PRKAG2: variants seen among roughly 807,000 people sequenced by gnomAD.
PRKAG2 encodes the protein protein kinase AMP-activated non-catalytic subunit gamma 2, also known as 5'-AMP-activated protein kinase subunit gamma-2.
PRKAG2 carries 26 observed loss-of-function variants against 69.6 expected under a neutral mutation model. The ratio of observed to expected loss-of-function variants is 0.37; its 90% CI spans 0.27 to 0.52. The LOEUF (loss-of-function observed/expected upper bound fraction) is 0.52. PRKAG2 is among the 20% of genes least tolerant of loss of function. The probability of loss-of-function intolerance (pLI) is 0.90; values close to 1 mark genes in which losing one functional copy is unlikely to be tolerated. For synonymous variants in PRKAG2, 293 were observed against 285.0 expected (o/e 1.03, Z -0.28); for missense variants, 557 against 740.0 (o/e 0.75, Z 2.87).
At chr7:151,562,748 A>C (rs1161657664) in intron 14 of PRKAG2, among the ~76,000 whole-genome samples, 3 of 152,092 alleles carry the variant, frequency 2.0e-5, no homozygotes, top group Non-Finnish European at 4.4e-5. Context: ...CGGGCAGATC[A>C]CGAGGTCAGG....
chr7:151,644,362 A>G (rs574888407), intron 4 of PRKAG2, among the ~76,000 whole-genome samples: 6 of 152,214 alleles, frequency 3.9e-5, no homozygotes, highest in Non-Finnish European at 7.3e-5. Context: ...CCCTTCTTCA[A>G]GGCAACCACT....
intron 3 of PRKAG2, among the ~76,000 whole-genome samples, chr7:151,767,634 T>C (rs2075807143): frequency 1.3e-5 from 2 of 152,226 alleles, no homozygotes; most frequent in Non-Finnish European, 2.9e-5. Context: ...GCTGTTATAG[T>C]GGCCCTACCA....
At chr7:151,642,028 TAAAAA>T (rs759629976) in intron 4 of PRKAG2, among the ~76,000 whole-genome samples, 1 of 95,022 alleles carries the variant, frequency 1.1e-5, no homozygotes, top group East Asian at 3.0e-4. Context: ...ACCCCATCTT[TAAAAA>T]AAAAAAAAAA....
Position 151,858,284 on chromosome 7 carries a change from C to A in PRKAG2, c.114+18223G>T, listed in dbSNP as rs555246520. 5.3e-5 allele frequency among the ~76,000 whole-genome samples: 8 copies of A among 152,348 alleles called. No individual in the cohort carries two copies. In the South Asian group the frequency reaches 1.0e-3, roughly 20 times the overall value. On this transcript the variant is annotated intron_variant, in intron 1 of 15. Coordinates refer to ENST00000287878, the MANE Select transcript of PRKAG2 (RefSeq NM_016203.4). ...CTCTCCTCCCCAGTACTCAGCAGCA[C>A]CCTGCCAGCCTCGGCCACAGCTGTC...
At chr7:151,560,844 T>C (rs1804787849) in intron 14 of PRKAG2, among the ~76,000 whole-genome samples, 1 of 152,012 alleles carries the variant, frequency 6.6e-6, no homozygotes, top group South Asian at 2.1e-4. Flanking sequence ...GCCTGGGAAG[T>C]GGAGGTTGCA....
At chr7:151,866,115 A>C (rs1407957778) in intron 1 of PRKAG2, among the ~76,000 whole-genome samples, 1 of 152,200 alleles carries the variant, frequency 6.6e-6, no homozygotes, top group African/African-American at 2.4e-5. Context: ...AATGACCTTC[A>C]TCTAGAAAGG....
intron 1 of PRKAG2, among the ~76,000 whole-genome samples, chr7:151,815,940 C>T (rs1244393241): frequency 1.3e-5 from 2 of 152,176 alleles, no homozygotes; most frequent in Non-Finnish European, 2.9e-5. Context: ...TTCCACGAGC[C>T]TGTGACTCAA....
intron 4 of PRKAG2, among the ~76,000 whole-genome samples, chr7:151,648,554 G>T (rs1034832599): frequency 1.8e-4 from 28 of 152,130 alleles, no homozygotes; most frequent in African/African-American, 6.5e-4. Context: ...TTAACAAGCA[G>T]CCCTAGTAGC....
At chr7:151,738,412 A>C (rs1215784741) in intron 3 of PRKAG2, among the ~76,000 whole-genome samples, 1 of 152,262 alleles carries the variant, frequency 6.6e-6, no homozygotes, top group African/African-American at 2.4e-5. Context: ...AGCCCCCCAA[A>C]ATCTGGCCAT....
chr7:151,560,088 G>A (rs1434052101), intron 15 of PRKAG2: 1 of 984,502 alleles, frequency 1.0e-6, no homozygotes, highest in African/African-American at 1.7e-5. Context: ...ATAAAAGTTT[G>A]TGTTTAGGTA....
At chr7:151,596,456 G>C (rs1814549379) in intron 5 of PRKAG2, among the ~76,000 whole-genome samples, 1 of 152,122 alleles carries the variant, frequency 6.6e-6, no homozygotes, top group African/African-American at 2.4e-5. Flanking sequence ...ACTGATGAAA[G>C]AATTGAAGCA....
chr7:151,835,105 C>T lies in PRKAG2; in HGVS notation c.114+41402G>A, dbSNP rs1190986066. 5.3e-5 allele frequency among the ~76,000 whole-genome samples: 8 copies of T among 152,294 alleles called. No homozygotes were observed. The South Asian group carries it at 6.2e-4, about 12-fold the overall frequency. ...TCATCAAAACTCATCACATCGGAAA[C>T]GACCCTGTTTCCAAAAGAGGTCACA... On this transcript the variant is annotated intron_variant, in intron 1 of 15. Transcript: ENST00000287878. The surrounding 1 kb of genome is among the most constrained non-coding windows in gnomAD (Gnocchi z 4.1).
intron 4 of PRKAG2, among the ~76,000 whole-genome samples, chr7:151,642,305 T>G (rs1006431270): frequency 6.6e-6 from 1 of 152,162 alleles, no homozygotes; most frequent in Non-Finnish European, 1.5e-5. Flanking sequence ...ATCGCGCCAC[T>G]GCACTCCAGC....
At position 151,756,082 on chromosome 7, in the gene PRKAG2, G is replaced by A. The variant is rs188292827; in HGVS notation, c.466+25070C>T. Among the ~76,000 whole-genome samples, 4 of 152,014 alleles carry A rather than the reference G, an allele frequency of 2.6e-5. No individual in the cohort carries two copies. Among genetic ancestry groups the A allele is most frequent in the African/African-American group, 7.3e-5 (3 of 41,366 alleles). On this transcript the variant is annotated intron_variant, in intron 3 of 15. Transcript: ENST00000287878. This position sits in a 1 kb window ranked among gnomAD's most constrained non-coding sequence, Gnocchi z 4.9. ...CCCATTGGTCTCCTCCTCTTCTCAG[G>A]CCTCTCCCCCTGGACCACCAGTGAT...
At chr7:151,594,146 T>G (rs1395928737) in intron 6 of PRKAG2, among the ~76,000 whole-genome samples, 1 of 152,192 alleles carries the variant, frequency 6.6e-6, no homozygotes, top group Non-Finnish European at 1.5e-5. Context: ...ACCTTTCAGC[T>G]GGTGCTCCCG....
intron 1 of PRKAG2, among the ~76,000 whole-genome samples, chr7:151,859,227 C>A (rs572112125): frequency 6.6e-6 from 1 of 152,228 alleles, no homozygotes; most frequent in Non-Finnish European, 1.5e-5. Flanking sequence ...ACAGCTGTGG[C>A]ACCAGAGAAC....
intron 4 of PRKAG2, among the ~76,000 whole-genome samples, chr7:151,649,311 A>G (rs1485337155): frequency 6.6e-6 from 1 of 152,088 alleles, no homozygotes; most frequent in African/African-American, 2.4e-5. Context: ...TGTTTAGCAG[A>G]GATGGAGTTT....
rs896089226 is a variant in PRKAG2, at chr7:151,876,968, C to T, written c.-348G>A. On this transcript the variant is annotated 5_prime_UTR_variant, in exon 1 of 16. Transcript: ENST00000287878. ...AGAAACATTTTCCACCCTCTCGGCTCCTCCCACAGATTCCCAGAGGTAATC... is the reference window on the plus strand; with the variant it reads ...AGAAACATTTTCCACCCTCTCGGCTTCTCCCACAGATTCCCAGAGGTAATC... The T allele has an allele frequency of 2.6e-6, 1 of 388,120 alleles. No homozygotes were observed. The highest frequency in any genetic ancestry group is 3.8e-5 in the Admixed American group (1 of 26,184). The allele number at this position is 388,120 out of a possible 1,614,324, so 24.0% of individuals were successfully genotyped here.
Position 151,632,381 on chromosome 7 carries a change from C to T in PRKAG2, c.685-243G>A, listed in dbSNP as rs1221456965. 2 of 465,404 alleles carry T rather than the reference C, an allele frequency of 4.3e-6. No individual in the cohort carries two copies. The highest frequency in any genetic ancestry group is 9.0e-5 in the South Asian group (1 of 11,076). 28.8% of individuals were successfully genotyped at this position (465,404 alleles called of 1,614,324 possible). ...CCCGCGTGCCCCTCCGCGAGTGGGA[C>T]GCGCCGCTCCCCCCCGCGCCTTGGT... is the stretch of plus-strand genomic sequence containing the variant. On this transcript the variant is annotated intron_variant, in intron 4 of 15. Coordinates refer to ENST00000287878, the MANE Select transcript of PRKAG2 (RefSeq NM_016203.4). The surrounding 1 kb of genome is among the most constrained non-coding windows in gnomAD (Gnocchi z 4.2).
Sources: allele counts gnomAD v4.1 joint callset (sites outside exome capture counted in the v4.1 genomes callset), GRCh38; gene constraint gnomAD v4.1.1; non-coding constraint Gnocchi (gnomAD v3.1); transcripts MANE v1.5; gene names NCBI Gene and HGNC (gene_info 2026-07-23, HGNC 2026-07-21).